GLCCI1: variants seen among roughly 807,000 people sequenced by gnomAD.
GLCCI1 encodes the protein glucocorticoid induced 1.
A neutral mutation model predicts 52.2 loss-of-function variants in GLCCI1; 24 were observed. The ratio of observed to expected loss-of-function variants is 0.46; its 90% CI spans 0.33 to 0.65. The LOEUF is 0.65. Among genes scored for constraint, GLCCI1 ranks in the 30% least tolerant of loss-of-function variants. GLCCI1 has a pLI of 0.02. For synonymous variants in GLCCI1, 310 were observed against 276.5 expected (o/e 1.12, Z -1.20); for missense variants, 704 against 701.5 (o/e 1.00, Z -0.04).
chr7:7,983,576 C>A (rs917723948), intron 1 of GLCCI1, among the ~76,000 whole-genome samples: 3 of 152,114 alleles, frequency 2.0e-5, no homozygotes, highest in Admixed American at 6.6e-5. Context: ...ACTATGGTTT[C>A]TGGTGTTTAG....
At chr7:8,047,093 A>G (rs1436740352) in intron 3 of GLCCI1, among the ~76,000 whole-genome samples, 1 of 152,228 alleles carries the variant, frequency 6.6e-6, no homozygotes, top group Non-Finnish European at 1.5e-5. Flanking sequence ...CAATTAGGGA[A>G]AAGCATATTA....
chr7:7,989,909 G>A (rs922529240), intron 1 of GLCCI1, among the ~76,000 whole-genome samples: 1 of 152,158 alleles, frequency 6.6e-6, no homozygotes, highest in African/African-American at 2.4e-5. Flanking sequence ...ACAGATACAA[G>A]TGTGTGATCT....
intron 5 of GLCCI1, chr7:8,070,218 CCTT>C (rs1215492564): frequency 1.3e-5 from 2 of 152,146 alleles, no homozygotes; most frequent in East Asian, 3.9e-4. Context: ...ATGATGGTTT[CCTT>C]TTTTTCCTTC....
intron 1 of GLCCI1, chr7:7,970,395 C>T (rs1780321974): frequency 6.7e-6 from 1 of 149,144 alleles, no homozygotes; most frequent in Non-Finnish European, 1.5e-5. Flanking sequence ...CCCAGCCCCC[C>T]GCCACCCCGC....
At chr7:8,047,231 A>G (rs887259089) in intron 3 of GLCCI1, among the ~76,000 whole-genome samples, 5 of 152,222 alleles carry the variant, frequency 3.3e-5, no homozygotes, top group African/African-American at 1.2e-4. Flanking sequence ...CCTTTATGAA[A>G]AGATTGATTT....
chr7:8,011,172 AT>A (rs1296263128), intron 2 of GLCCI1, among the ~76,000 whole-genome samples: 1 of 152,128 alleles, frequency 6.6e-6, no homozygotes, highest in Non-Finnish European at 1.5e-5. Flanking sequence ...TGAATTAACC[AT>A]TTTTTAAATG....
intron 3 of GLCCI1, among the ~76,000 whole-genome samples, chr7:8,042,781 C>T (rs1182273304): frequency 6.6e-6 from 1 of 152,212 alleles, no homozygotes; most frequent in African/African-American, 2.4e-5. Context: ...AAGCTGTGAA[C>T]ATTGTTGAAA....
rs184828819 is a variant in GLCCI1, at chr7:8,065,107, A to G, written c.966+4859A>G. Among the ~76,000 whole-genome samples the G allele has an allele frequency of 1.5e-3, 230 of 152,282 alleles. 1 individual carries two copies. Among genetic ancestry groups the G allele is most frequent in the African/African-American group, 4.9e-3 (205 of 41,560 alleles). On this transcript the variant is annotated intron_variant, in intron 5 of 7. Coordinates refer to ENST00000223145, the MANE Select transcript of GLCCI1 (RefSeq NM_138426.4). ...ACTGTCATTTCTAATTTCATTGAGC[A>G]GTGGTTTGTAATTCTCATTCTAGAG...
intron 5 of GLCCI1, among the ~76,000 whole-genome samples, chr7:8,065,534 G>T (rs762037920): frequency 3.9e-5 from 6 of 152,064 alleles, no homozygotes; most frequent in African/African-American, 1.4e-4. Flanking sequence ...CGTTGGCTGT[G>T]GGTTTTTCTT....
intron 3 of GLCCI1, among the ~76,000 whole-genome samples, chr7:8,044,524 C>G (rs959851363): frequency 1.1e-4 from 17 of 152,230 alleles, no homozygotes; most frequent in African/African-American, 4.1e-4. Flanking sequence ...GCATATGCCA[C>G]CACACCTGGC....
At chr7:8,037,257 A>C (rs34395699) in intron 3 of GLCCI1, among the ~76,000 whole-genome samples, 22,577 of 152,148 alleles carry the variant, frequency 0.15, 1,833 homozygotes, top group East Asian at 0.27. Flanking sequence ...TTAAAAGAAA[A>C]AGAAAACTGT....
intron 6 of GLCCI1, among the ~76,000 whole-genome samples, chr7:8,079,432 T>C (rs1782947490): frequency 1.3e-5 from 2 of 151,764 alleles, no homozygotes; most frequent in African/African-American, 4.9e-5. Flanking sequence ...TTATTTTGTT[T>C]AGTTTTACCA....
chr7:7,998,064 A>C (rs1283160785), intron 1 of GLCCI1, among the ~76,000 whole-genome samples: 1 of 151,916 alleles, frequency 6.6e-6, no homozygotes, highest in Non-Finnish European at 1.5e-5. Context: ...TAAAATCTAC[A>C]TTTAACATAT....
intron 6 of GLCCI1, among the ~76,000 whole-genome samples, chr7:8,075,059 G>C (rs1309452412): frequency 1.3e-5 from 2 of 152,094 alleles, no homozygotes; most frequent in Non-Finnish European, 2.9e-5. Flanking sequence ...TTCTGACTTT[G>C]CTAACATCAT....
intron 1 of GLCCI1, among the ~76,000 whole-genome samples, chr7:7,979,590 A>G (rs536841118): frequency 6.6e-6 from 1 of 152,152 alleles, no homozygotes; most frequent in Non-Finnish European, 1.5e-5. Flanking sequence ...GCCTTTACCT[A>G]TTATAATATT....
chr7:8,035,119 T>C (rs1781837705), intron 3 of GLCCI1, among the ~76,000 whole-genome samples: 1 of 152,142 alleles, frequency 6.6e-6, no homozygotes, highest in South Asian at 2.1e-4. Context: ...AGCCACATAG[T>C]GCTGGCTGGA....
intron 1 of GLCCI1, among the ~76,000 whole-genome samples, chr7:7,989,032 G>A (rs966744653): frequency 1.3e-5 from 2 of 152,074 alleles, no homozygotes; most frequent in Non-Finnish European, 2.9e-5. Flanking sequence ...CTCTGACCAA[G>A]GTCCTAATGG....
chr7:8,068,727 A>G (rs1209136760), intron 5 of GLCCI1, among the ~76,000 whole-genome samples: 1 of 152,214 alleles, frequency 6.6e-6, no homozygotes, highest in African/African-American at 2.4e-5. Flanking sequence ...CTGAGTTGCC[A>G]GAGTTCTTGC....
chr7:7,971,740 A>G (rs1015596516), intron 1 of GLCCI1, among the ~76,000 whole-genome samples: 1 of 152,356 alleles, frequency 6.6e-6, no homozygotes, highest in Admixed American at 6.5e-5. Flanking sequence ...GATCTGGCTT[A>G]AACTATTCTC....
Sources: allele counts gnomAD v4.1 joint callset (sites outside exome capture counted in the v4.1 genomes callset), GRCh38; gene constraint gnomAD v4.1.1; transcripts MANE v1.5; gene names NCBI Gene and HGNC (gene_info 2026-07-23, HGNC 2026-07-21).